The following TRAF2 variants were observed in gnomAD, a reference collection of about 807,000 sequenced individuals.
The protein encoded by TRAF2 is TNF receptor associated factor 2, also known as TNF receptor-associated factor 2.
TRAF2 carries 6 observed loss-of-function variants against 55.6 expected under a neutral mutation model. The ratio of observed to expected loss-of-function variants is 0.11; its 90% CI spans 0.06 to 0.21. The LOEUF (loss-of-function observed/expected upper bound fraction) is 0.21, where lower values mean the gene tolerates loss of function less well. TRAF2 is among the 10% of genes least tolerant of loss of function. The pLI is 1.00. For synonymous variants in TRAF2, 329 were observed against 276.3 expected (o/e 1.19, Z -1.89); for missense variants, 561 against 684.5 (o/e 0.82, Z 2.01).
intron 3 of TRAF2, 86 bp from the exon 4 acceptor site, chr9:136,900,332 ATTGG>A: frequency 1.2e-6 from 1 of 801,338 alleles, no homozygotes; most frequent in East Asian, 2.7e-5. Context: ...GTGACGCAGT[ATTGG>A]TTGGTTTGGA....
chr9:136,889,250 C>T (rs1402295593), intron 1 of TRAF2, among the ~76,000 whole-genome samples: 7 of 147,720 alleles, frequency 4.7e-5, no homozygotes, highest in African/African-American at 1.7e-4. Flanking sequence ...CGGAGTCTCG[C>T]TCTGTCCCCC....
At chr9:136,918,050 C>T (rs1478096691) in intron 7 of TRAF2, among the ~76,000 whole-genome samples, 1 of 151,880 alleles carries the variant, frequency 6.6e-6, no homozygotes, top group Non-Finnish European at 1.5e-5. Flanking sequence ...CTGCTTTTTC[C>T]ACGCCGCGCA....
At chr9:136,894,511 A>G (rs1044938208) in intron 1 of TRAF2, among the ~76,000 whole-genome samples, 1 of 151,996 alleles carries the variant, frequency 6.6e-6, no homozygotes, top group African/African-American at 2.4e-5. Flanking sequence ...AGGTGTGCAG[A>G]TCCATAGGGA....
chr9:136,895,520 G>T (rs1293216911), intron 1 of TRAF2, among the ~76,000 whole-genome samples: 1 of 152,174 alleles, frequency 6.6e-6, no homozygotes, highest in African/African-American at 2.4e-5. Context: ...AGCATCTACT[G>T]TCCTTCCTGG....
At chr9:136,910,049 G>T (rs374527410) in intron 6 of TRAF2, 55 bp downstream of exon 6, 2 of 1,564,976 alleles carry the variant, frequency 1.3e-6, no homozygotes, top group African/African-American at 1.4e-5. Context: ...TGTGTTGGAC[G>T]TGAGGGTCCC....
At chr9:136,885,516 T>C (rs1849428400), upstream of TRAF2, among the ~76,000 whole-genome samples, 2 of 152,170 alleles carry the variant, frequency 1.3e-5, no homozygotes, top group Admixed American at 6.5e-5. Flanking sequence ...CTGTTTTCAT[T>C]TGAGTGTCTG....
At chr9:136,885,509 TTTTCA>T (rs1361854272), upstream of TRAF2, among the ~76,000 whole-genome samples, 3 of 152,170 alleles carry the variant, frequency 2.0e-5, no homozygotes, top group Non-Finnish European at 2.9e-5. Context: ...AAGGCCACTG[TTTTCA>T]TTTGAGTGTC....
intron 4 of TRAF2, among the ~76,000 whole-genome samples, chr9:136,903,168 C>G (rs1469021989): frequency 1.3e-5 from 2 of 152,184 alleles, no homozygotes; most frequent in African/African-American, 4.8e-5. Flanking sequence ...CCAGGCTGGT[C>G]TTGAACTCCT....
At chr9:136,921,744 G>T (rs114110208) in intron 9 of TRAF2, among the ~76,000 whole-genome samples, 1 of 151,292 alleles carries the variant, frequency 6.6e-6, no homozygotes, top group African/African-American at 2.4e-5. Context: ...GAGGGTGCTC[G>T]TGGGGTCTCC....
intron 1 of TRAF2, among the ~76,000 whole-genome samples, chr9:136,887,134 T>G (rs1849471299): frequency 6.6e-6 from 1 of 152,024 alleles, no homozygotes; most frequent in Non-Finnish European, 1.5e-5. Context: ...GGGTGAAAAG[T>G]CCCTCTGGCT....
chr9:136,918,255 A>ATATATATATATT (rs1402432355), intron 7 of TRAF2, among the ~76,000 whole-genome samples: 6 of 23,340 alleles, frequency 2.6e-4, no homozygotes, highest in African/African-American at 1.3e-3. Context: ...ATATATATAT[A>ATATATATATATT]TATTTATTTA....
rs750342901 is a variant in TRAF2, at chr9:136,893,388, G to A, written c.-28-5325G>A. Among the ~76,000 whole-genome samples the A allele has an allele frequency of 4.1e-4, 62 of 152,206 alleles. 1 individual carries two copies. Among genetic ancestry groups the A allele is most frequent in the Non-Finnish European group, 2.2e-4 (15 of 68,038 alleles). ...TGAAAGCACACCACTGCTGGCTTTG[G>A]GGGGCAGACAGGTGACTGACAGTCT... On this transcript the variant is annotated intron_variant, in intron 1 of 10. Transcript: ENST00000247668.
intron 1 of TRAF2, chr9:136,886,770 G>A (rs1849460724): frequency 8.9e-6 from 2 of 224,206 alleles, no homozygotes; most frequent in South Asian, 1.6e-4. Context: ...GGGAAAGTTC[G>A]GGAACGCGCG....
chr9:136,886,031 C>T (rs1588412300), upstream of TRAF2: 1 of 152,236 alleles, frequency 6.6e-6, no homozygotes, highest in Admixed American at 6.5e-5. Context: ...CCGCCAGGGC[C>T]CCGCGTCCCG....
intron 9 of TRAF2, 46 bp from the exon 10 acceptor site, chr9:136,923,806 C>T (rs1000830136): frequency 6.2e-7 from 1 of 1,601,466 alleles, no homozygotes; most frequent in Non-Finnish European, 8.5e-7. Context: ...CCCTGCCCCG[C>T]CCTTGCTGAG....
At chr9:136,907,632 A>G (rs921781452) in intron 4 of TRAF2, among the ~76,000 whole-genome samples, 25 of 151,498 alleles carry the variant, frequency 1.7e-4, no homozygotes, top group African/African-American at 5.3e-4. Flanking sequence ...TGCAATGAGG[A>G]TGGGGCTGGG....
At chr9:136,890,264 C>G (rs574808492) in intron 1 of TRAF2, 1 of 152,362 alleles carries the variant, frequency 6.6e-6, no homozygotes, top group African/African-American at 2.4e-5. Flanking sequence ...TTGTTTTTAG[C>G]TGACTTAGCT....
intron 1 of TRAF2, among the ~76,000 whole-genome samples, chr9:136,888,442 G>A (rs1347853639): frequency 6.6e-6 from 1 of 152,080 alleles, no homozygotes; most frequent in Non-Finnish European, 1.5e-5. Flanking sequence ...AAAAGAATCG[G>A]GTGCCACCCA....
chr9:136,891,654 A>G (rs944989925), intron 1 of TRAF2, among the ~76,000 whole-genome samples: 1 of 152,120 alleles, frequency 6.6e-6, no homozygotes, highest in Non-Finnish European at 1.5e-5. Context: ...GAAAAGAATC[A>G]AGCTTTGTCT....
Sources: gnomAD v4.1 joint callset for allele counts (sites outside exome capture counted in the v4.1 genomes callset) on GRCh38, gnomAD v4.1.1 for gene constraint, MANE v1.5 for transcripts, NCBI Gene and HGNC (gene_info 2026-07-23, HGNC 2026-07-21) for gene names.